Variants in EXOC5 observed in about 807,000 individuals in gnomAD.
EXOC5 encodes SEC10-like 1.
A neutral mutation model predicts 90.8 loss-of-function variants in EXOC5; 17 were observed. The observed-to-expected ratio is 0.19, with a 90% CI of 0.13 to 0.28. The LOEUF is 0.28. Ranked by LOEUF, EXOC5 falls within the 10% of genes least tolerant of loss-of-function variation. EXOC5 has a pLI of 1.00. For synonymous variants in EXOC5, 260 were observed against 270.0 expected, an observed-to-expected ratio of 0.96 and a Z score of 0.36; for missense variants, 569 against 830.6, an observed-to-expected ratio of 0.69 and a Z score of 3.87.
chr14:57,228,754 T>A (rs1001133037), intron 12 of EXOC5, among the ~76,000 whole-genome samples: 1 of 150,114 alleles, frequency 6.7e-6, no homozygotes, highest in Non-Finnish European at 1.5e-5. Context: ...ATACCTAATG[T>A]AGATGAGGAG....
intron 4 of EXOC5, among the ~76,000 whole-genome samples, chr14:57,242,768 T>C (rs1664098120): frequency 6.6e-6 from 1 of 152,138 alleles, no homozygotes; most frequent in South Asian, 2.1e-4. Context: ...AATCTAATAC[T>C]ATATGAGTTC....
chr14:57,221,200 G>A (rs1883128485), intron 13 of EXOC5, among the ~76,000 whole-genome samples: 1 of 152,130 alleles, frequency 6.6e-6, no homozygotes, highest in Non-Finnish European at 1.5e-5. Context: ...AAAAGCTGAG[G>A]CAAAAGGATT....
Position 57,233,833 on chromosome 14 carries a change from T to A in EXOC5, c.765A>T (p.Gln255His). ...DIFEDAGILC[Q>H]RVNKQVGDIF... The stretch of plus-strand genomic sequence containing the variant: ...TATCTCCAACTTGTTTGTTCACTCT[T>A]TGACAGAGTATTCCAGCGTCTTCAA... The change falls in exon 9 of 18, where the codon CAA becomes CAT. Residue 255 changes from glutamine (Q) to histidine (H), a missense_variant. Physicochemically the swap from Gln to His is conservative, Grantham distance 24. Transcript: ENST00000621441. 1 of 1,608,806 alleles carries A rather than the reference T, an allele frequency of 6.2e-7. No individual in the cohort carries two copies. The highest frequency in any genetic ancestry group is 8.5e-7 in the Non-Finnish European group (1 of 1,175,388).
intron 4 of EXOC5, among the ~76,000 whole-genome samples, chr14:57,242,640 TC>T (rs1194495373): frequency 1.3e-5 from 2 of 152,170 alleles, no homozygotes; most frequent in Non-Finnish European, 2.9e-5. Flanking sequence ...TTCTAATTCC[TC>T]CCACAATCAC....
At chr14:57,234,790 C>T (rs185565477) in intron 7 of EXOC5, among the ~76,000 whole-genome samples, 6 of 152,012 alleles carry the variant, frequency 3.9e-5, no homozygotes, top group African/African-American at 1.4e-4. Flanking sequence ...ATCTCGAACT[C>T]CTGAGCTAAA....
At chr14:57,248,530 T>A (rs142239714) in intron 1 of EXOC5, among the ~76,000 whole-genome samples, 13 of 152,036 alleles carry the variant, frequency 8.6e-5, no homozygotes, top group Non-Finnish European at 1.8e-4. Context: ...TAAAAAAAAA[T>A]TGTTTAAAAA....
intron 4 of EXOC5, among the ~76,000 whole-genome samples, chr14:57,242,596 G>A (rs887110109): frequency 6.6e-6 from 1 of 152,120 alleles, no homozygotes; most frequent in African/African-American, 2.4e-5. Context: ...GGGGAAAGAA[G>A]GAAAAGAATA....
At chr14:57,244,084 C>A in intron 4 of EXOC5, 81 bp downstream of exon 4, 2 of 923,134 alleles carry the variant, frequency 2.2e-6, no homozygotes, top group Non-Finnish European at 3.4e-6. Context: ...AAGTCTAACT[C>A]TGGAAAGCAA....
intron 7 of EXOC5, among the ~76,000 whole-genome samples, chr14:57,234,535 GTGTATATATA>G (rs910989298): frequency 2.7e-5 from 4 of 146,502 alleles, no homozygotes; most frequent in African/African-American, 1.0e-4. Flanking sequence ...GTGTGTGTGT[GTGTATATATA>G]TATATATGTG....
intron 15 of EXOC5, among the ~76,000 whole-genome samples, chr14:57,213,146 G>A (rs999356387): frequency 2.6e-5 from 4 of 152,054 alleles, no homozygotes; most frequent in African/African-American, 9.7e-5. Flanking sequence ...CACTTTGTGA[G>A]GCTGAAGTGG....
At chr14:57,228,413 A>C (rs1181016997) in intron 12 of EXOC5, among the ~76,000 whole-genome samples, 2 of 152,198 alleles carry the variant, frequency 1.3e-5, no homozygotes, top group African/African-American at 2.4e-5. Context: ...ACGTATGTTT[A>C]CTGCAGCACT....
intron 12 of EXOC5, among the ~76,000 whole-genome samples, chr14:57,224,651 AAAG>A (rs1399600510): frequency 1.3e-5 from 2 of 152,198 alleles, no homozygotes; most frequent in African/African-American, 2.4e-5. Context: ...AGAAAGAAAG[AAAG>A]AATACCAATT....
intron 7 of EXOC5, 60 bp from the exon 8 acceptor site, chr14:57,234,092 A>G: frequency 7.7e-7 from 1 of 1,292,676 alleles, no homozygotes. Context: ...ATTATTTCAA[A>G]AAAAGAAGTG....
Position 57,203,784 on chromosome 14 carries a change from T to C in EXOC5, c.*4825A>G, listed in dbSNP as rs1882567767. 6.6e-6 allele frequency: 1 copy of C among 152,624 alleles called. No homozygotes were observed. The highest frequency in any genetic ancestry group is 2.4e-5 in the African/African-American group (1 of 41,450). The allele number at this position is 152,624 out of a possible 1,614,324, so 9.5% of individuals were successfully genotyped here. Reference sequence around the variant, plus strand: ...TTAAACACAGTAATATAAATATTAGTATCTTGGCTAAAATGAATTATTGAC... The same window carrying C: ...TTAAACACAGTAATATAAATATTAGCATCTTGGCTAAAATGAATTATTGAC... On this transcript the variant is annotated 3_prime_UTR_variant, in exon 18 of 18. Transcript: ENST00000621441.
intron 4 of EXOC5, among the ~76,000 whole-genome samples, chr14:57,242,694 T>C (rs1453093421): frequency 6.6e-6 from 1 of 152,186 alleles, no homozygotes; most frequent in South Asian, 2.1e-4. Flanking sequence ...TTTCTTTCCA[T>C]TGGGAAGGTG....
rs1341649830 is a variant in EXOC5, at chr14:57,202,408, T to C, written c.*6201A>G. 1.3e-5 allele frequency: 2 copies of C among 152,226 alleles called. No homozygotes were observed. The highest frequency in any genetic ancestry group is 2.9e-5 in the Non-Finnish European group (2 of 68,042). The allele number at this position is 152,226 out of a possible 1,614,324, so 9.4% of individuals were successfully genotyped here. On this transcript the variant is annotated 3_prime_UTR_variant, in exon 18 of 18. Coordinates refer to ENST00000621441, the MANE Select transcript of EXOC5 (RefSeq NM_006544.4). ...TCCCAATTTTCATGTATTGTAGTTATACTGAAGCATTCTTTCTTCTTGGAA... is the reference window on the plus strand; with the variant it reads ...TCCCAATTTTCATGTATTGTAGTTACACTGAAGCATTCTTTCTTCTTGGAA...
At chr14:57,211,999 A>G (rs1431954984) in intron 15 of EXOC5, among the ~76,000 whole-genome samples, 1 of 152,184 alleles carries the variant, frequency 6.6e-6, no homozygotes, top group Non-Finnish European at 1.5e-5. Context: ...AGCTGGGACT[A>G]CAGGCACATG....
chr14:57,252,286 A>G (rs537546948), intron 1 of EXOC5, among the ~76,000 whole-genome samples: 1 of 152,322 alleles, frequency 6.6e-6, no homozygotes, highest in East Asian at 1.9e-4. Flanking sequence ...CTTTATAAAC[A>G]TTCATGCAGA....
In EXOC5 at chr14:57,201,728, T is replaced by C. The variant is rs981349280; in HGVS notation, c.*6881A>G. ...GGCAAAACCCCATTTCTACTACAAA[T>C]AGAAAAATTGGCCAGGCATGGTGGC... On this transcript the variant is annotated 3_prime_UTR_variant, in exon 18 of 18. Coordinates refer to ENST00000621441, the MANE Select transcript of EXOC5 (RefSeq NM_006544.4). The C allele has an allele frequency of 1.3e-5, 2 of 150,992 alleles. No homozygotes were observed. Among genetic ancestry groups the C allele is most frequent in the Non-Finnish European group, 1.5e-5 (1 of 67,796 alleles). The allele number at this position is 150,992 out of a possible 1,614,324, so 9.4% of individuals were successfully genotyped here.
Sources: allele counts gnomAD v4.1 joint callset (sites outside exome capture counted in the v4.1 genomes callset), GRCh38; gene constraint gnomAD v4.1.1; transcripts MANE v1.5; gene names NCBI Gene and HGNC (gene_info 2026-07-23, HGNC 2026-07-21).